MYLK: variants seen among roughly 807,000 people sequenced by gnomAD.
MYLK encodes myosin light chain kinase, also known as myosin light chain kinase, smooth muscle.
Under a neutral mutation model 203.4 loss-of-function variants are expected in MYLK, and 106 were observed. The ratio of observed to expected loss-of-function variants is 0.52; its 90% CI spans 0.45 to 0.61. MYLK has a LOEUF of 0.61. Among genes scored for constraint, MYLK ranks in the 20% least tolerant of loss-of-function variants. The probability of loss-of-function intolerance (pLI) is 0.00; values close to 1 mark genes in which losing one functional copy is unlikely to be tolerated. For missense variants in MYLK, 2,072 were observed against 2,442.3 expected (o/e 0.85, Z 3.20); for synonymous variants, 867 against 959.5 (o/e 0.90, Z 1.78).
In MYLK at chr3:123,743,274, G is replaced by A. The variant is rs923635211; in HGVS notation, c.374-3273C>T. ...AAACATGGCACTTTCCCAAAGAATA[G>A]CAAAAGAATGCTGGGGAGAGATACT... On this transcript the variant is annotated intron_variant, in intron 5 of 33. Coordinates refer to ENST00000360304, the MANE Select transcript of MYLK (RefSeq NM_053025.4). Among the ~76,000 whole-genome samples the A allele has an allele frequency of 4.8e-4, 73 of 152,128 alleles. 1 individual carries two copies. Among genetic ancestry groups the A allele is most frequent in the African/African-American group, 1.7e-3 (70 of 41,424 alleles).
chr3:123,614,049 T>G lies in MYLK; in HGVS notation c.*56A>C. On this transcript the variant is annotated 3_prime_UTR_variant, in exon 34 of 34. Coordinates refer to ENST00000360304, the MANE Select transcript of MYLK (RefSeq NM_053025.4). ...TTGAGTTTTTTTTTTTTTTTTGAGT[T>G]TTAGAGAAATAGTCCTTTTAATATG... 1 of 1,580,098 alleles carries G rather than the reference T, an allele frequency of 6.3e-7. No individual in the cohort carries two copies. Among genetic ancestry groups the G allele is most frequent in the Non-Finnish European group, 8.6e-7 (1 of 1,158,908 alleles).
At chr3:123,624,038 A>AG in intron 31 of MYLK, 1 of 152,276 alleles carries the variant, frequency 6.6e-6, no homozygotes, top group Admixed American at 6.5e-5. Flanking sequence ...AGAAAAAAAA[A>AG]TTGATTAAAA....
intron 17 of MYLK, among the ~76,000 whole-genome samples, chr3:123,701,237 C>CCA (rs778325845): frequency 2.6e-5 from 3 of 116,262 alleles, no homozygotes; most frequent in African/African-American, 6.7e-5. Context: ...AGGGTGTGTG[C>CCA]AAAAAAAAAA....
intron 4 of MYLK, among the ~76,000 whole-genome samples, chr3:123,785,107 C>T (rs578211341): frequency 6.6e-6 from 1 of 152,386 alleles, no homozygotes; most frequent in South Asian, 2.1e-4. Context: ...TGGCTGAAGC[C>T]TCACCCCTTA....
At chr3:123,654,401 G>A (rs1390675632) in intron 24 of MYLK, among the ~76,000 whole-genome samples, 1 of 151,932 alleles carries the variant, frequency 6.6e-6, no homozygotes, top group Non-Finnish European at 1.5e-5. Context: ...CCATACTCAC[G>A]ATGGCTCTAG....
intron 16 of MYLK, among the ~76,000 whole-genome samples, chr3:123,706,542 C>T (rs1224576436): frequency 1.3e-5 from 2 of 152,150 alleles, no homozygotes; most frequent in Non-Finnish European, 2.9e-5. Flanking sequence ...CAAACAAATG[C>T]TCTTCTTCGA....
intron 2 of MYLK, among the ~76,000 whole-genome samples, chr3:123,871,265 A>T (rs2032765518): frequency 6.6e-6 from 1 of 152,250 alleles, no homozygotes; most frequent in African/African-American, 2.4e-5. Context: ...TGATCTAAGC[A>T]TTCACTTTAG....
At chr3:123,789,143 CT>C (rs1158974077) in intron 4 of MYLK, among the ~76,000 whole-genome samples, 4 of 152,148 alleles carry the variant, frequency 2.6e-5, no homozygotes, top group Non-Finnish European at 5.9e-5. Flanking sequence ...CCCTGGCTGT[CT>C]GTACATGGAA....
chr3:123,777,148 T>C lies in MYLK; in HGVS notation c.165+16529A>G, dbSNP rs560309501. 1.6e-3 allele frequency among the ~76,000 whole-genome samples: 251 copies of C among 152,394 alleles called. 1 individual carries two copies. Among genetic ancestry groups the C allele is most frequent in the Middle Eastern group, 3.4e-3 (1 of 294 alleles). ...GTGGACAGATCAGTGATCCTGACTGTATTACTATAGTACTATGATGCCCAT... is the reference window on the plus strand; with the variant it reads ...GTGGACAGATCAGTGATCCTGACTGCATTACTATAGTACTATGATGCCCAT... On this transcript the variant is annotated intron_variant, in intron 4 of 33. Coordinates refer to ENST00000360304, the MANE Select transcript of MYLK (RefSeq NM_053025.4).
intron 13 of MYLK, among the ~76,000 whole-genome samples, chr3:123,712,973 T>C (rs554586262): frequency 6.6e-6 from 1 of 152,350 alleles, no homozygotes; most frequent in South Asian, 2.1e-4. Context: ...CCAAGGATTA[T>C]GGACTCATTT....
At chr3:123,869,915 G>A (rs941010707) in intron 2 of MYLK, among the ~76,000 whole-genome samples, 6 of 144,916 alleles carry the variant, frequency 4.1e-5, no homozygotes, top group South Asian at 4.9e-4. Flanking sequence ...TAAGATGGAC[G>A]ATGAAATCTA....
At chr3:123,664,373 G>C in intron 22 of MYLK, 115 bp from the exon 23 acceptor site, 1 of 1,453,090 alleles carries the variant, frequency 6.9e-7, no homozygotes. Flanking sequence ...AGCTGTGGGG[G>C]GGCTCAGTCT....
chr3:123,749,074 AATACATACATACATACATAC>A (rs60797453), intron 5 of MYLK, among the ~76,000 whole-genome samples: 1 of 142,244 alleles, frequency 7.0e-6, no homozygotes, highest in African/African-American at 2.6e-5. Flanking sequence ...GTCTCAGAAA[AATACATACATACATACATAC>A]ATACATACAT....
rs5852365 is a variant in MYLK at position 123,778,512 on chromosome 3, C to CA, written c.165+15164dup. Among the ~76,000 whole-genome samples the CA allele has an allele frequency of 1.4e-3, 140 of 98,110 alleles. 2 individuals carry two copies. The highest frequency in any genetic ancestry group is 4.8e-3 in the Middle Eastern group (1 of 208). 64.4% of individuals were successfully genotyped at this position (98,110 alleles called of 152,430 possible). ...TGGGCAACAGAGTGAGACTCTGCCT[C>CA]AAAAAAAAAAAAAAAAAAAAATCAC... On this transcript the variant is annotated intron_variant, in intron 4 of 33. Coordinates refer to ENST00000360304, the MANE Select transcript of MYLK (RefSeq NM_053025.4).
At chr3:123,877,846 G>A (rs557709823) in intron 1 of MYLK, among the ~76,000 whole-genome samples, 5 of 152,314 alleles carry the variant, frequency 3.3e-5, no homozygotes, top group Admixed American at 2.0e-4. Flanking sequence ...GGGAAGTTTA[G>A]GAATACATCT....
At chr3:123,816,940 A>G (rs2065769220) in intron 3 of MYLK, among the ~76,000 whole-genome samples, 1 of 152,226 alleles carries the variant, frequency 6.6e-6, no homozygotes, top group Non-Finnish European at 1.5e-5. Context: ...CAGCAGAAGG[A>G]CAAAGGCCCA....
chr3:123,706,061 C>A (rs950741073), intron 16 of MYLK, among the ~76,000 whole-genome samples: 3 of 152,064 alleles, frequency 2.0e-5, no homozygotes, highest in African/African-American at 7.2e-5. Context: ...TCTGAGTGTA[C>A]CGCTAATAAT....
rs187090568 is a variant in MYLK at position 123,641,551 on chromosome 3, A to G, written c.4620-1047T>C. On this transcript the variant is annotated intron_variant, in intron 27 of 33. Coordinates refer to ENST00000360304, the MANE Select transcript of MYLK (RefSeq NM_053025.4). Reference sequence around the variant, plus strand: ...AGACCCTGTCTCAAAAGTGAAAGAAAGGAAAGGAAGGAGGAGGGGAGGGGA... The same window carrying G: ...AGACCCTGTCTCAAAAGTGAAAGAAGGGAAAGGAAGGAGGAGGGGAGGGGA... Among the ~76,000 whole-genome samples, 477 of 151,950 alleles carry G rather than the reference A, an allele frequency of 3.1e-3. 3 individuals carry two copies. The highest frequency in any genetic ancestry group is 0.011 in the African/African-American group (460 of 41,460).
intron 4 of MYLK, among the ~76,000 whole-genome samples, chr3:123,763,769 T>C (rs2063612030): frequency 6.6e-6 from 1 of 152,224 alleles, no homozygotes. Context: ...TAGAATTTCA[T>C]GATGACCTGA....
Sources: allele counts gnomAD v4.1 joint callset (sites outside exome capture counted in the v4.1 genomes callset), GRCh38; gene constraint gnomAD v4.1.1; transcripts MANE v1.5; gene names NCBI Gene and HGNC (gene_info 2026-07-23, HGNC 2026-07-21).